Variants in COL14A1 observed in about 807,000 individuals in gnomAD.
The protein encoded by COL14A1 is collagen type XIV alpha 1 chain.
COL14A1 carries 136 observed loss-of-function variants against 230.3 expected under a neutral mutation model. The observed-to-expected ratio is 0.59, with a 90% confidence interval of 0.51 to 0.68. The LOEUF (loss-of-function observed/expected upper bound fraction) is 0.68, where lower values mean the gene tolerates loss of function less well. Ranked by LOEUF, COL14A1 falls within the 30% of genes least tolerant of loss-of-function variation. COL14A1 has a pLI of 0.00. For missense variants in COL14A1, 1,976 were observed against 2,215.8 expected, an observed-to-expected ratio of 0.89 and a Z score of 2.17; for synonymous variants, 792 against 784.1, an observed-to-expected ratio of 1.01 and a Z score of -0.17.
chr8:120,347,882 T>C (rs976218077), intron 45 of COL14A1, among the ~76,000 whole-genome samples: 25 of 152,074 alleles, frequency 1.6e-4, no homozygotes, highest in Non-Finnish European at 3.2e-4. Context: ...CCAGGCAGTG[T>C]ATGTAGCACA....
At chr8:120,284,483 A>G (rs755818110) in intron 32 of COL14A1, among the ~76,000 whole-genome samples, 12 of 152,200 alleles carry the variant, frequency 7.9e-5, no homozygotes, top group Non-Finnish European at 1.5e-4. Context: ...TGAATTTTCT[A>G]TATCTAGTTT....
chr8:120,204,523 GCCAGATT>G (rs2130739158), intron 9 of COL14A1, among the ~76,000 whole-genome samples: 1 of 152,282 alleles, frequency 6.6e-6, no homozygotes, highest in Non-Finnish European at 1.5e-5. Flanking sequence ...TTAACTGAGT[GCCAGATT>G]CCATGATATG....
At position 120,372,567 on chromosome 8, in the gene COL14A1, A is replaced by G. The variant is rs1248866628; in HGVS notation, c.*1336A>G. Among the ~76,000 whole-genome samples the G allele has an allele frequency of 6.6e-6, 1 of 152,192 alleles. No individual in the cohort carries two copies. Among genetic ancestry groups the G allele is most frequent in the Non-Finnish European group, 1.5e-5 (1 of 68,040 alleles). ...TCCTTCTCTGTAACATCTCCCTAGT[A>G]ACAGCTAACTTTAGAAAGTAGGGAT... is the stretch of plus-strand genomic sequence containing the variant. On this transcript the variant is annotated 3_prime_UTR_variant, in exon 48 of 48. Transcript: ENST00000297848.
chr8:120,153,903 A>C (rs899687942), intron 2 of COL14A1, among the ~76,000 whole-genome samples: 2 of 152,182 alleles, frequency 1.3e-5, no homozygotes, highest in African/African-American at 4.8e-5. Context: ...GCATCACTGG[A>C]GTCAAGTTTC....
Position 120,371,293 on chromosome 8 carries a change from ATGT to A in COL14A1, c.*67_*69del. ...CTCTTAAGGAATCTTGTTTGAGAAA[ATGT>A]TGTTATGTGGTTTGTATGCTACTTT... On this transcript the variant is annotated 3_prime_UTR_variant, in exon 48 of 48. Coordinates refer to ENST00000297848, the MANE Select transcript of COL14A1 (RefSeq NM_021110.4). 1 of 1,377,996 alleles carries A rather than the reference ATGT, an allele frequency of 7.3e-7. No homozygotes were observed. The highest frequency in any genetic ancestry group is 1.0e-6 in the Non-Finnish European group (1 of 980,668). The allele number at this position is 1,377,996 out of a possible 1,614,324, so 85.4% of individuals were successfully genotyped here.
At chr8:120,208,125 G>A in intron 10 of COL14A1, 107 bp from the exon 11 acceptor site, 1 of 1,174,406 alleles carries the variant, frequency 8.5e-7, no homozygotes, top group South Asian at 1.8e-5. Context: ...GCACAAACAA[G>A]AAAATATTCA....
intron 8 of COL14A1, 91 bp from the exon 9 acceptor site, chr8:120,203,618 A>T (rs376251101): frequency 1.7e-6 from 2 of 1,175,512 alleles, no homozygotes; most frequent in Non-Finnish European, 1.2e-6. Flanking sequence ...TGCAGTGAAG[A>T]TTGACTGACT....
chr8:120,300,671 C>A (rs1820682079), intron 35 of COL14A1, 61 bp from the exon 36 acceptor site: 2 of 1,241,702 alleles, frequency 1.6e-6, no homozygotes, highest in Non-Finnish European at 2.3e-6. Context: ...TTCTTTGAGC[C>A]AGTAAAGCCA....
Position 120,280,912 on chromosome 8 carries a change from T to G in COL14A1, c.3686-9T>G, listed in dbSNP as rs767221571. 4.5e-6 allele frequency: 7 copies of G among 1,564,020 alleles called. No individual in the cohort carries two copies. Among genetic ancestry groups the G allele is most frequent in the Admixed American group, 2.1e-5 (1 of 48,606 alleles). ...GTTTATTCTTTTTCTACTTTTTTTTTTTTTTTAGGATTTAAGATGATGGAA... is the reference window on the plus strand; with the variant it reads ...GTTTATTCTTTTTCTACTTTTTTTTGTTTTTTAGGATTTAAGATGATGGAA... On this transcript the variant is annotated splice_polypyrimidine_tract_variant and intron_variant, in intron 30 of 47. Transcript: ENST00000297848.
In COL14A1 at chr8:120,231,504, T is replaced by C. The variant is rs777141712; in HGVS notation, c.2235T>C (p.Asp745=). The change falls in exon 19 of 48, where the codon GAT becomes GAC. Residue 745 remains aspartate (D), a synonymous_variant. Transcript: ENST00000297848. ...QTGIRNLVVG[D]ETTSSLRVKW... ...GAATCAGAAACCTAGTTGTAGGTGATGAAACTACTTCTAGCCTGCGGGTAA... is the reference window on the plus strand; with the variant it reads ...GAATCAGAAACCTAGTTGTAGGTGACGAAACTACTTCTAGCCTGCGGGTAA... The C allele has an allele frequency of 2.5e-6, 4 of 1,614,044 alleles. No homozygotes were observed. Among genetic ancestry groups the C allele is most frequent in the Admixed American group, 3.3e-5 (2 of 59,988 alleles).
intron 47 of COL14A1, chr8:120,370,748 A>ATC: frequency 7.2e-7 from 1 of 1,385,756 alleles, no homozygotes; most frequent in Non-Finnish European, 9.6e-7. Flanking sequence ...ATGGATGGGC[A>ATC]TCTTTCTCCT....
chr8:120,346,670 C>G (rs528217598), intron 45 of COL14A1, among the ~76,000 whole-genome samples: 1 of 152,296 alleles, frequency 6.6e-6, no homozygotes, highest in African/African-American at 2.4e-5. Context: ...ACATCTTACT[C>G]TTAGTTCAAG....
intron 4 of COL14A1, among the ~76,000 whole-genome samples, chr8:120,167,229 G>A (rs1815929550): frequency 6.6e-6 from 1 of 152,100 alleles, no homozygotes; most frequent in Non-Finnish European, 1.5e-5. Context: ...AAGGGGAGGA[G>A]GATGTGATAA....
intron 45 of COL14A1, among the ~76,000 whole-genome samples, chr8:120,358,753 A>G (rs1823078509): frequency 6.6e-6 from 1 of 152,130 alleles, no homozygotes. Context: ...AGTAAAATGG[A>G]AATATAATGT....
At chr8:120,218,068 T>C (rs931075125) in intron 14 of COL14A1, among the ~76,000 whole-genome samples, 35 of 140,786 alleles carry the variant, frequency 2.5e-4, no homozygotes, top group African/African-American at 8.8e-4. Flanking sequence ...TATGTATCTA[T>C]ATATAAATAT....
At chr8:120,283,444 A>G (rs1408188149) in intron 31 of COL14A1, among the ~76,000 whole-genome samples, 192 bp from the exon 32 acceptor site, 1 of 152,228 alleles carries the variant, frequency 6.6e-6, no homozygotes, top group African/African-American at 2.4e-5. Context: ...TAAGAAAGGG[A>G]CAAAATGATA....
At chr8:120,196,540 G>T (rs568607058) in intron 5 of COL14A1, among the ~76,000 whole-genome samples, 5 of 152,258 alleles carry the variant, frequency 3.3e-5, no homozygotes, top group African/African-American at 1.2e-4. Flanking sequence ...TACACAGAAG[G>T]CTGAGTTGTC....
intron 36 of COL14A1, among the ~76,000 whole-genome samples, chr8:120,308,880 C>G (rs1820936955): frequency 6.6e-6 from 1 of 152,196 alleles, no homozygotes; most frequent in Non-Finnish European, 1.5e-5. Context: ...TAACACTCAT[C>G]TCCCTTTTTA....
chr8:120,362,350 A>C (rs1823248542), intron 45 of COL14A1, among the ~76,000 whole-genome samples: 1 of 152,190 alleles, frequency 6.6e-6, no homozygotes, highest in African/African-American at 2.4e-5. Flanking sequence ...AAACCTAGTG[A>C]GATAATTTAT....
Sources: allele counts gnomAD v4.1 joint callset (sites outside exome capture counted in the v4.1 genomes callset), GRCh38; gene constraint gnomAD v4.1.1; transcripts MANE v1.5; gene names NCBI Gene and HGNC (gene_info 2026-07-23, HGNC 2026-07-21).